ARHGAP27: variants seen among roughly 807,000 people sequenced by gnomAD.
The protein encoded by ARHGAP27 is rho GTPase-activating protein 27.
A neutral mutation model predicts 102.0 loss-of-function variants in ARHGAP27; 53 were observed. That is an observed-to-expected ratio of 0.52 (90% CI 0.42 to 0.65). The LOEUF (loss-of-function observed/expected upper bound fraction) is 0.65. ARHGAP27 is among the 30% of genes least tolerant of loss of function. ARHGAP27 has a pLI of 0.00. For synonymous variants in ARHGAP27, 525 were observed against 542.8 expected, an observed-to-expected ratio of 0.97 and a Z score of 0.46; for missense variants, 1,117 against 1,256.2, an observed-to-expected ratio of 0.89 and a Z score of 1.68.
At chr17:45,404,397 A>G (rs1471042233) in intron 8 of ARHGAP27, 48 bp downstream of exon 8, 2 of 1,612,946 alleles carry the variant, frequency 1.2e-6, no homozygotes, top group South Asian at 2.2e-5. Context: ...GAAGCCCCCC[A>G]CTGCTTCTGT....
At chr17:45,400,230 C>T (rs145635971) in intron 12 of ARHGAP27, among the ~76,000 whole-genome samples, 42 of 152,302 alleles carry the variant, frequency 2.8e-4, no homozygotes, top group African/African-American at 9.1e-4. Context: ...CAGCTTTTGG[C>T]GGACTGTTGC....
chr17:45,400,092 G>A (rs1269277793), intron 12 of ARHGAP27, among the ~76,000 whole-genome samples: 1 of 152,138 alleles, frequency 6.6e-6, no homozygotes, highest in African/African-American at 2.4e-5. Flanking sequence ...CAGTCCAGGA[G>A]TTGGAAGCTG....
Position 45,405,033 on chromosome 17 carries a change from G to A in ARHGAP27, c.1139C>T (p.Ser380Phe). ...AGAGGTAGGGCCGGGCTCACCGAAA[G>A]AGCCCACGGGAGAATAGTCCTCCTC... ...YPEEDYSPVG[S>F]FGEPGPTSPL... Residue 380 changes from serine (S) to phenylalanine (F), a missense_variant, in exon 6 of 20, where the codon TCT becomes TTT. Ser to Phe is a radical substitution (Grantham distance 155, BLOSUM62 -2). Transcript: ENST00000685559. The A allele has an allele frequency of 1.2e-6, 2 of 1,613,772 alleles. No individual in the cohort carries two copies. Among genetic ancestry groups the A allele is most frequent in the South Asian group, 2.2e-5 (2 of 91,054 alleles).
At chr17:45,425,236 T>TG (rs1286357308) in intron 4 of ARHGAP27, among the ~76,000 whole-genome samples, 1 of 144,038 alleles carries the variant, frequency 6.9e-6, no homozygotes, top group African/African-American at 2.7e-5. Flanking sequence ...GGGTTGGGGG[T>TG]GGGGGGTGCC....
chr17:45,420,541 T>C (rs1174277270), intron 4 of ARHGAP27, among the ~76,000 whole-genome samples: 1 of 151,982 alleles, frequency 6.6e-6, no homozygotes, highest in East Asian at 1.9e-4. Context: ...AAAAAACCTG[T>C]AAAAATACTA....
At chr17:45,397,156 C>T in intron 13 of ARHGAP27, 132 bp from the exon 14 acceptor site, 1 of 1,463,734 alleles carries the variant, frequency 6.8e-7, no homozygotes, top group Non-Finnish European at 9.0e-7. Flanking sequence ...CCTCTCTTCC[C>T]TTAACCAGGT....
At chr17:45,402,932 G>A in intron 11 of ARHGAP27, 114 bp from the exon 12 acceptor site, 3 of 925,032 alleles carry the variant, frequency 3.2e-6, no homozygotes, top group East Asian at 2.6e-5. Context: ...ACAACTCTGG[G>A]GAAAAGTGCC....
intron 4 of ARHGAP27, among the ~76,000 whole-genome samples, chr17:45,420,519 CT>C (rs2048922433): frequency 6.6e-6 from 1 of 151,536 alleles, no homozygotes; most frequent in Admixed American, 6.6e-5. Context: ...TAAAATATTG[CT>C]TTGATTTAAA....
rs191335964 is a variant in ARHGAP27, at chr17:45,395,901, A to T, written c.2387-52T>A. On this transcript the variant is annotated intron_variant, in intron 18 of 19. Transcript: ENST00000685559. The stretch of plus-strand genomic sequence containing the variant: ...GGAGTCGGAACGGGAGGTAGGGGGT[A>T]TCGGCTGGGCGAGGGGAGCCTGCTA... The T allele has an allele frequency of 4.1e-4, 647 of 1,573,178 alleles. 5 individuals are homozygous for T. The African/African-American group carries it at 8.3e-3, about 20-fold the overall frequency.
intron 4 of ARHGAP27, chr17:45,407,564 G>C (rs2047363496): frequency 1.3e-5 from 2 of 149,432 alleles, no homozygotes; most frequent in African/African-American, 2.5e-5. Flanking sequence ...GTCCAGACTG[G>C]AGTGGAATGG....
intron 4 of ARHGAP27, among the ~76,000 whole-genome samples, chr17:45,415,677 C>T (rs1490300361): frequency 1.3e-5 from 2 of 152,192 alleles, no homozygotes; most frequent in Admixed American, 6.5e-5. Context: ...ATCCGACCAG[C>T]CTAAGCCTTG....
At chr17:45,410,029 T>C in intron 4 of ARHGAP27, 1 of 629,780 alleles carries the variant, frequency 1.6e-6, no homozygotes, top group South Asian at 2.0e-5. Context: ...CCCTCCCCTG[T>C]CCACAAGCAG....
chr17:45,425,430 C>T (rs1236252753), intron 4 of ARHGAP27: 2 of 380,844 alleles, frequency 5.3e-6, no homozygotes, highest in Non-Finnish European at 7.2e-6. Context: ...TGGAGTTTGT[C>T]CTAGGAAGTG....
Position 45,395,991 on chromosome 17 carries a change from G to A in ARHGAP27, c.2378C>T (p.Ala793Val). ...FPFSHFRQFI[A>V]AIKLQDQARR... ...CTGCCCCAGGTGCTCACTGATGGCC[G>A]CAATGAACTGGCGGAAGTGCGAGAA... Residue 793 changes from alanine to valine, a missense_variant, in exon 18 of 20, where the codon GCG (alanine) becomes GTG (valine). Physicochemically the swap from Ala to Val is moderately conservative, Grantham distance 64. Coordinates refer to ENST00000685559, the MANE Select transcript of ARHGAP27 (RefSeq NM_001282290.2). 1.2e-6 allele frequency: 2 copies of A among 1,609,784 alleles called. No homozygotes were observed. The highest frequency in any genetic ancestry group is 2.2e-5 in the East Asian group (1 of 44,796).
intron 4 of ARHGAP27, among the ~76,000 whole-genome samples, chr17:45,415,744 G>T (rs1228941424): frequency 6.6e-6 from 1 of 152,164 alleles, no homozygotes; most frequent in East Asian, 1.9e-4. Flanking sequence ...CGGAAACACT[G>T]CTGCAAGGAA....
At position 45,396,806 on chromosome 17, in the gene ARHGAP27, G is replaced by C; in HGVS notation, c.1952-16C>G. 1 of 1,608,844 alleles carries C rather than the reference G, an allele frequency of 6.2e-7. No homozygotes were observed. Among genetic ancestry groups the C allele is most frequent in the South Asian group, 1.1e-5 (1 of 90,624 alleles). On this transcript the variant is annotated splice_polypyrimidine_tract_variant and intron_variant, in intron 14 of 19. Transcript: ENST00000685559. The stretch of plus-strand genomic sequence containing the variant: ...GCGGGCGCGGCTGCCGCGGGGAAAG[G>C]CAGGACTGAGTCAGGAGGCAGCGCC...
chr17:45,428,335 T>A (rs1202518387), intron 4 of ARHGAP27, among the ~76,000 whole-genome samples: 2 of 152,262 alleles, frequency 1.3e-5, no homozygotes, highest in Non-Finnish European at 2.9e-5. Flanking sequence ...CCCCTGCTGC[T>A]GTCAAGCGCT....
intron 4 of ARHGAP27, among the ~76,000 whole-genome samples, chr17:45,420,200 T>A (rs2048892979): frequency 6.6e-6 from 1 of 152,230 alleles, no homozygotes; most frequent in Non-Finnish European, 1.5e-5. Flanking sequence ...AGGAGACTGG[T>A]AAAATGGATT....
At chr17:45,408,576 C>T (rs1430009809) in intron 4 of ARHGAP27, 1 of 152,146 alleles carries the variant, frequency 6.6e-6, no homozygotes, top group African/African-American at 2.4e-5. Context: ...CCTTTCTCTA[C>T]CCCCACCATA....
Sources: gnomAD v4.1 joint callset for allele counts (sites outside exome capture counted in the v4.1 genomes callset) on GRCh38, gnomAD v4.1.1 for gene constraint, MANE v1.5 for transcripts, NCBI Gene and HGNC (gene_info 2026-07-23, HGNC 2026-07-21) for gene names.